Variants in LIX1L observed in about 807,000 individuals in gnomAD.
LIX1L encodes the protein limb and CNS expressed 1 like.
In LIX1L, 20 loss-of-function variants were observed where a neutral mutation model predicts 34.0. The observed-to-expected ratio is 0.59, with a 90% CI of 0.41 to 0.85. The LOEUF is 0.85. LIX1L is among the 40% of genes least tolerant of loss of function. The pLI is 0.00. For missense variants in LIX1L, 397 were observed against 447.0 expected (o/e 0.89, Z 1.01); for synonymous variants, 170 against 187.4 (o/e 0.91, Z 0.76).
chr1:145,943,105 C>T (rs1193205501), intron 2 of LIX1L, among the ~76,000 whole-genome samples: 1 of 152,176 alleles, frequency 6.6e-6, no homozygotes, highest in Non-Finnish European at 1.5e-5. Context: ...GAATGCAGAA[C>T]GAGGAAGGCT....
chr1:145,936,571 G>A lies in LIX1L; in HGVS notation c.772-19C>T, dbSNP rs377296886. 1.2e-4 allele frequency: 187 copies of A among 1,613,636 alleles called. No individual in the cohort carries two copies. Among genetic ancestry groups the A allele is most frequent in the Non-Finnish European group, 1.5e-4 (173 of 1,179,848 alleles). On this transcript the variant is annotated intron_variant, in intron 5 of 5. Transcript: ENST00000604000. ...ACACCTCCTAGTAGGGGAGGGGAAT[G>A]TGAACATCATTGAGAAGGTAAAGGT...
At chr1:145,951,300 G>A (rs1165380327) in intron 1 of LIX1L, among the ~76,000 whole-genome samples, 1 of 152,152 alleles carries the variant, frequency 6.6e-6, no homozygotes, top group Non-Finnish European at 1.5e-5. Flanking sequence ...ACCTGCCTCG[G>A]CCTCCCAAAC....
intron 2 of LIX1L, among the ~76,000 whole-genome samples, chr1:145,946,126 CAAAA>C (rs1329696459): frequency 1.4e-5 from 2 of 143,546 alleles, no homozygotes; most frequent in African/African-American, 5.1e-5. Flanking sequence ...AACAAAAAAA[CAAAA>C]AAAAACAAGT....
rs587703831 is a variant in LIX1L at position 145,944,815 on chromosome 1, C to T, written c.457-1962G>A. ...GGCTGAGGTGAAAGGATTGCTTGAG[C>T]TCAGGAGTTTGTGACCAGCCTAGGA... On this transcript the variant is annotated intron_variant, in intron 2 of 5. Coordinates refer to ENST00000604000, the MANE Select transcript of LIX1L (RefSeq NM_153713.3). 3.3e-5 allele frequency among the ~76,000 whole-genome samples: 5 copies of T among 151,928 alleles called. No homozygotes were observed. In the East Asian group the frequency reaches 9.8e-4, roughly 30 times the overall value.
intron 5 of LIX1L, 90 bp from the exon 6 acceptor site, chr1:145,936,642 T>G: frequency 6.7e-7 from 1 of 1,495,508 alleles, no homozygotes; most frequent in Non-Finnish European, 9.1e-7. Context: ...AACTCAGCTT[T>G]AGAGACCTAA....
rs2101890860 is a variant in LIX1L at position 145,935,847 on chromosome 1, T to G, written c.*463A>C. ...AAGGTAGTGGTGGGGAGGAAAGGGA[T>G]AGCAAGCAGGTTCAGTTCAGGAACT... is the stretch of plus-strand genomic sequence containing the variant. On this transcript the variant is annotated 3_prime_UTR_variant, in exon 6 of 6. Transcript: ENST00000604000. 1 of 165,470 alleles carries G rather than the reference T, an allele frequency of 6.0e-6. No individual in the cohort carries two copies. The highest frequency in any genetic ancestry group is 1.3e-5 in the Non-Finnish European group (1 of 75,314). The allele number at this position is 165,470 out of a possible 1,614,324, so 10.3% of individuals were successfully genotyped here. A position where few individuals can be genotyped will look rare whatever the true frequency, so the allele number is the denominator to read the frequency against.
At chr1:145,957,605 G>A in intron 1 of LIX1L, 31 bp downstream of exon 1, 1 of 1,476,840 alleles carries the variant, frequency 6.8e-7, no homozygotes, top group African/African-American at 1.5e-5. Context: ...TACAGAGGGT[G>A]TCGCGCAGGA....
At chr1:145,952,838 T>G (rs188339792) in intron 1 of LIX1L, among the ~76,000 whole-genome samples, 1 of 152,120 alleles carries the variant, frequency 6.6e-6, no homozygotes, top group Non-Finnish European at 1.5e-5. Flanking sequence ...CTTGAACTCC[T>G]GACTTCAGAT....
Position 145,957,846 on chromosome 1 carries a change from C to G in LIX1L, c.82G>C (p.Val28Leu). Reference sequence around the variant, plus strand: ...GCGGTGGCGGCCGCGGCCCCAGTCACTCCGGGCCGCAGCGCTCGGAGAGTG... The same window carrying G: ...GCGGTGGCGGCCGCGGCCCCAGTCAGTCCGGGCCGCAGCGCTCGGAGAGTG... ...RGTLRALRPG[V>L]TGAAAATATP... Residue 28 changes from valine (V) to leucine (L), a missense_variant, in exon 1 of 6, where the codon GTG becomes CTG. Physicochemically the swap from Val to Leu is conservative, Grantham distance 32. Coordinates refer to ENST00000604000, the MANE Select transcript of LIX1L (RefSeq NM_153713.3). The G allele has an allele frequency of 1.4e-6, 2 of 1,440,606 alleles. No individual in the cohort carries two copies. Among genetic ancestry groups the G allele is most frequent in the East Asian group, 6.1e-5 (2 of 33,048 alleles). 89.2% of individuals were successfully genotyped at this position (1,440,606 alleles called of 1,614,324 possible).
intron 1 of LIX1L, among the ~76,000 whole-genome samples, chr1:145,954,510 G>C (rs1425678833): frequency 1.3e-5 from 2 of 152,144 alleles, no homozygotes; most frequent in Non-Finnish European, 2.9e-5. Context: ...GTTCAACTTA[G>C]TGAAATAACA....
At chr1:145,949,818 CTT>C (rs587663292) in intron 1 of LIX1L, among the ~76,000 whole-genome samples, 30 of 139,556 alleles carry the variant, frequency 2.1e-4, no homozygotes, top group East Asian at 1.0e-3. Context: ...GACCACTCTC[CTT>C]TTTTTTTTTT....
chr1:145,942,866 G>GA lies in LIX1L; in HGVS notation c.457-14dup, dbSNP rs1559240249. The GA allele has an allele frequency of 1.4e-5, 22 of 1,613,490 alleles. No individual in the cohort carries two copies. Among genetic ancestry groups the GA allele is most frequent in the Non-Finnish European group, 1.9e-5 (22 of 1,179,474 alleles). ...TTGTGGGGCAAAACTAGGCAGGGGA[G>GA]AAAGAGTGAGAATATGTGTATTTGT... On this transcript the variant is annotated splice_polypyrimidine_tract_variant and intron_variant, in intron 2 of 5. Coordinates refer to ENST00000604000, the MANE Select transcript of LIX1L (RefSeq NM_153713.3).
chr1:145,934,865 C>CAAAAA lies in LIX1L; in HGVS notation c.*1444_*1445insTTTTT, dbSNP rs1553757518. On this transcript the variant is annotated 3_prime_UTR_variant, in exon 6 of 6. Coordinates refer to ENST00000604000, the MANE Select transcript of LIX1L (RefSeq NM_153713.3). ...CTCAAAAACAAAAACAAAAACAAAACCAAAAAAAAACCACAAATAGGCCAG... is the reference window on the plus strand; with the variant it reads ...CTCAAAAACAAAAACAAAAACAAAACAAAAACAAAAAAAAACCACAAATAGGCCAG... The CAAAAA allele has an allele frequency of 8.6e-5, 13 of 150,590 alleles. No homozygotes were observed. The highest frequency in any genetic ancestry group is 2.9e-4 in the African/African-American group (12 of 40,914). 9.3% of individuals were successfully genotyped at this position (150,590 alleles called of 1,614,324 possible). A position where few individuals can be genotyped will look rare whatever the true frequency, so the allele number is the denominator to read the frequency against.
chr1:145,936,662 G>T, intron 5 of LIX1L, 110 bp from the exon 6 acceptor site: 1 of 1,308,664 alleles, frequency 7.6e-7, no homozygotes, highest in Non-Finnish European at 1.1e-6. Context: ...ACTGAGGTCA[G>T]CACCTAAGTT....
At chr1:145,957,431 T>C (rs1649513156) in intron 1 of LIX1L, among the ~76,000 whole-genome samples, 1 of 152,140 alleles carries the variant, frequency 6.6e-6, no homozygotes, top group African/African-American at 2.4e-5. Flanking sequence ...GGAGAATATA[T>C]TAATAACTCA....
In LIX1L at chr1:145,933,724, T is replaced by G. The variant is rs1648514483; in HGVS notation, c.*2586A>C. ...AACAGACACACCTGGTGTGTCTAGCTGTTTTTGCCTTTACTCCAACCCGAC... is the reference window on the plus strand; with the variant it reads ...AACAGACACACCTGGTGTGTCTAGCGGTTTTTGCCTTTACTCCAACCCGAC... On this transcript the variant is annotated 3_prime_UTR_variant, in exon 6 of 6. Transcript: ENST00000604000. 1 of 152,092 alleles carries G rather than the reference T, an allele frequency of 6.6e-6. No homozygotes were observed. Among genetic ancestry groups the G allele is most frequent in the African/African-American group, 2.4e-5 (1 of 41,392 alleles). The allele number at this position is 152,092 out of a possible 1,614,324, so 9.4% of individuals were successfully genotyped here.
rs1553759389 is a variant in LIX1L at position 145,947,649 on chromosome 1, C to T, written c.426G>A (p.Leu142=). The T allele has an allele frequency of 6.2e-7, 1 of 1,614,120 alleles. No individual in the cohort carries two copies. Among genetic ancestry groups the T allele is most frequent in the Non-Finnish European group, 8.5e-7 (1 of 1,180,000 alleles). ...NSPPYVCYVT[L]PGGSCFGSFQ... ...AACTCCCAAAGCAGCTTCCCCCAGGCAGGGTGACATAGCAGACATAAGGAG... is the reference window on the plus strand; with the variant it reads ...AACTCCCAAAGCAGCTTCCCCCAGGTAGGGTGACATAGCAGACATAAGGAG... Residue 142 remains leucine (L), a synonymous_variant, in exon 2 of 6, where the codon CTG becomes CTA. Transcript: ENST00000604000.
chr1:145,946,055 GATC>G (rs1331206238), intron 2 of LIX1L, among the ~76,000 whole-genome samples: 22 of 151,256 alleles, frequency 1.5e-4, no homozygotes, highest in African/African-American at 5.3e-4. Flanking sequence ...AGTGAGCCAA[GATC>G]ATACCACTGC....
At chr1:145,956,181 C>T (rs1649466409) in intron 1 of LIX1L, among the ~76,000 whole-genome samples, 1 of 152,114 alleles carries the variant, frequency 6.6e-6, no homozygotes, top group Admixed American at 6.5e-5. Context: ...CCATTTGTAT[C>T]CCCAGCACCT....
Sources: gnomAD v4.1 joint callset for allele counts (sites outside exome capture counted in the v4.1 genomes callset) on GRCh38, gnomAD v4.1.1 for gene constraint, MANE v1.5 for transcripts, NCBI Gene and HGNC (gene_info 2026-07-23, HGNC 2026-07-21) for gene names.